PTPRZ1: variants seen among roughly 807,000 people sequenced by gnomAD.
PTPRZ1 encodes the protein receptor-type tyrosine-protein phosphatase zeta.
In PTPRZ1, 82 loss-of-function variants were observed where a neutral mutation model predicts 214.1. The ratio of observed to expected loss-of-function variants is 0.38; its 90% CI spans 0.32 to 0.46. The LOEUF is 0.46. PTPRZ1 is among the 20% of genes least tolerant of loss of function. The pLI, the probability that PTPRZ1 is intolerant of heterozygous loss-of-function variation, is 1.00. For synonymous variants in PTPRZ1, 945 were observed against 987.9 expected (o/e 0.96, Z 0.81); for missense variants, 2,603 against 2,748.7 (o/e 0.95, Z 1.19).
intron 21 of PTPRZ1, 67 bp from the exon 22 acceptor site, chr7:122,042,528 ATGACAACCAGTAG>A (rs1249713663): frequency 7.4e-7 from 1 of 1,358,638 alleles, no homozygotes; most frequent in Non-Finnish European, 9.9e-7. Context: ...TTTAATCAAC[ATGACAACCAGTAG>A]TGATCTATTT....
chr7:121,890,743 C>T (rs1022701259), intron 1 of PTPRZ1, among the ~76,000 whole-genome samples: 2 of 152,100 alleles, frequency 1.3e-5, no homozygotes, highest in Non-Finnish European at 2.9e-5. Context: ...GATCAGAGCT[C>T]ACTGTAGCCC....
chr7:121,947,018 A>C (rs1262127127), intron 2 of PTPRZ1, among the ~76,000 whole-genome samples: 4 of 152,128 alleles, frequency 2.6e-5, no homozygotes, highest in African/African-American at 7.2e-5. Context: ...CTTATTCCCT[A>C]AAGGTTATTA....
chr7:122,010,691 C>T lies in PTPRZ1; in HGVS notation c.1645C>T (p.Pro549Ser), dbSNP rs1297475009. ...NDGSKTVLRS[P>S]HMNLSGTAES... ...TGGCTCTAAAACTGTTCTTAGATCTCCACATATGAACTTGTCGGGGACTGC... is the reference window on the plus strand; with the variant it reads ...TGGCTCTAAAACTGTTCTTAGATCTTCACATATGAACTTGTCGGGGACTGC... Residue 549 changes from proline (P) to serine (S), a missense_variant, in exon 12 of 30, where the codon CCA becomes TCA. Transcript: ENST00000393386. The T allele has an allele frequency of 6.2e-7, 1 of 1,613,594 alleles. No homozygotes were observed. Among genetic ancestry groups the T allele is most frequent in the African/African-American group, 1.3e-5 (1 of 74,830 alleles).
At chr7:122,020,930 C>T (rs1033932642) in intron 13 of PTPRZ1, among the ~76,000 whole-genome samples, 1 of 152,090 alleles carries the variant, frequency 6.6e-6, no homozygotes, top group African/African-American at 2.4e-5. Flanking sequence ...GCTTTTCTCC[C>T]CGTTCCCCAC....
chr7:122,004,723 T>A, intron 11 of PTPRZ1, 63 bp downstream of exon 11: 1 of 993,076 alleles, frequency 1.0e-6, no homozygotes, highest in Non-Finnish European at 1.5e-6. Flanking sequence ...GAATTGTTGC[T>A]TGGGTGTTAG....
At chr7:122,041,505 G>A (rs1375088384) in intron 21 of PTPRZ1, among the ~76,000 whole-genome samples, 1 of 147,904 alleles carries the variant, frequency 6.8e-6, no homozygotes, top group Non-Finnish European at 1.5e-5. Flanking sequence ...ACATTACATT[G>A]AATGTATTGT....
intron 4 of PTPRZ1, among the ~76,000 whole-genome samples, chr7:121,975,273 A>ATTAATAATTAT (rs1209875887): frequency 6.6e-6 from 1 of 152,192 alleles, no homozygotes; most frequent in East Asian, 1.9e-4. Flanking sequence ...GGATTATTAA[A>ATTAATAATTAT]TTAATAATTA....
At chr7:122,026,448 G>C (rs569510636) in intron 13 of PTPRZ1, among the ~76,000 whole-genome samples, 1 of 152,282 alleles carries the variant, frequency 6.6e-6, no homozygotes, top group Non-Finnish European at 1.5e-5. Context: ...CAATATGTCA[G>C]AATATGCTCC....
chr7:121,957,777 A>C (rs1796753379), intron 2 of PTPRZ1, among the ~76,000 whole-genome samples: 1 of 152,174 alleles, frequency 6.6e-6, no homozygotes. Context: ...TTCAACTGCC[A>C]AACTTCTCCT....
chr7:121,952,891 AT>A (rs1203451710), intron 2 of PTPRZ1, among the ~76,000 whole-genome samples: 1 of 152,208 alleles, frequency 6.6e-6, no homozygotes, highest in Non-Finnish European at 1.5e-5. Context: ...AAAACACATA[AT>A]TTAAACATCA....
rs1798135043 is a variant in PTPRZ1 at position 121,996,375 on chromosome 7, T to C, written c.929-7T>C. ...CTATCAACAACTGTACTTTTTTCTC[T>C]CTGAAGTTTGTAGTTCAGAACCAGA... On this transcript the variant is annotated splice_polypyrimidine_tract_variant and splice_region_variant and intron_variant, in intron 8 of 29. Coordinates refer to ENST00000393386, the MANE Select transcript of PTPRZ1 (RefSeq NM_002851.3). 1 of 1,586,444 alleles carries C rather than the reference T, an allele frequency of 6.3e-7. No individual in the cohort carries two copies. The highest frequency in any genetic ancestry group is 8.6e-7 in the Non-Finnish European group (1 of 1,165,696).
intron 1 of PTPRZ1, among the ~76,000 whole-genome samples, chr7:121,924,438 A>G (rs1795696127): frequency 6.6e-6 from 1 of 152,222 alleles, no homozygotes; most frequent in African/African-American, 2.4e-5. Flanking sequence ...CTATGTAATT[A>G]GCATATGAAT....
chr7:121,911,716 C>T (rs1199648840), intron 1 of PTPRZ1, among the ~76,000 whole-genome samples: 1 of 151,904 alleles, frequency 6.6e-6, no homozygotes, highest in African/African-American at 2.4e-5. Context: ...AAAAGCATTA[C>T]ATCTGTCATA....
rs572004292 is a variant in PTPRZ1 at position 122,036,342 on chromosome 7, C to T, written c.5285-258C>T. Among the ~76,000 whole-genome samples, 15 of 152,318 alleles carry T rather than the reference C, an allele frequency of 9.8e-5. No homozygotes were observed. In the South Asian group the frequency reaches 2.9e-3, roughly 29 times the overall value. ...TTTCTGTTTTCATATCCCTCCACTA[C>T]ATTGCACCTCTCACTTGACACCTGT... On this transcript the variant is annotated intron_variant, in intron 17 of 29. Coordinates refer to ENST00000393386, the MANE Select transcript of PTPRZ1 (RefSeq NM_002851.3).
rs562029747 is a variant in PTPRZ1, at chr7:121,875,554, G to T, written c.58+1997G>T. On this transcript the variant is annotated intron_variant, in intron 1 of 29. Coordinates refer to ENST00000393386, the MANE Select transcript of PTPRZ1 (RefSeq NM_002851.3). ...TGGTGATGTAAAATTTAAGTGTAAA[G>T]AATTTAATTAACTTTTAAAGACTAT... 1.5e-3 allele frequency among the ~76,000 whole-genome samples: 234 copies of T among 152,296 alleles called. 1 individual carries two copies. The highest frequency in any genetic ancestry group is 2.5e-3 in the Non-Finnish European group (170 of 68,018).
At chr7:122,001,628 C>A (rs917142068) in intron 10 of PTPRZ1, among the ~76,000 whole-genome samples, 10 of 152,126 alleles carry the variant, frequency 6.6e-5, no homozygotes, top group Admixed American at 2.6e-4. Context: ...GCTTTTATTT[C>A]GTGCACTGTG....
At chr7:122,035,697 G>C (rs978708436) in intron 17 of PTPRZ1, among the ~76,000 whole-genome samples, 5 of 152,170 alleles carry the variant, frequency 3.3e-5, no homozygotes. Flanking sequence ...TCCTGTATCA[G>C]TGTGACCTGT....
chr7:121,987,780 A>G (rs1223038189), intron 8 of PTPRZ1, among the ~76,000 whole-genome samples: 1 of 152,212 alleles, frequency 6.6e-6, no homozygotes, highest in East Asian at 1.9e-4. Flanking sequence ...GAATCAACCC[A>G]TGTGCTCAGT....
intron 1 of PTPRZ1, among the ~76,000 whole-genome samples, chr7:121,894,044 A>T (rs1411377321): frequency 6.6e-6 from 1 of 152,334 alleles, no homozygotes; most frequent in East Asian, 1.9e-4. Flanking sequence ...CTGAATTCCA[A>T]GTCCTTAACT....
Sources: allele counts gnomAD v4.1 joint callset (sites outside exome capture counted in the v4.1 genomes callset), GRCh38; gene constraint gnomAD v4.1.1; transcripts MANE v1.5; gene names NCBI Gene and HGNC (gene_info 2026-07-23, HGNC 2026-07-21).